The following HGSNAT variants were observed in gnomAD, a reference collection of about 807,000 sequenced individuals.
The protein encoded by HGSNAT is heparan-alpha-glucosaminide N-acetyltransferase.
HGSNAT carries 59 observed loss-of-function variants against 85.2 expected under a neutral mutation model. That is an observed-to-expected ratio of 0.69 (90% CI 0.56 to 0.86). HGSNAT has a LOEUF of 0.86. Among genes scored for constraint, HGSNAT ranks in the 40% least tolerant of loss-of-function variants. The pLI is 0.00. For synonymous variants in HGSNAT, 321 were observed against 304.5 expected (o/e 1.05, Z -0.56); for missense variants, 756 against 777.1 (o/e 0.97, Z 0.32).
intron 1 of HGSNAT, among the ~76,000 whole-genome samples, chr8:43,140,992 G>T (rs1265642961): frequency 6.6e-6 from 1 of 152,206 alleles, no homozygotes; most frequent in Non-Finnish European, 1.5e-5. Context: ...GGATCGGGGG[G>T]GCTCGGACTC....
At chr8:43,182,497 G>GC (rs1804164543) in intron 11 of HGSNAT, 1 of 526,346 alleles carries the variant, frequency 1.9e-6, no homozygotes, top group Admixed American at 2.7e-5. Flanking sequence ...AGGCTGGGGT[G>GC]CAGTGGTGTG....
At chr8:43,168,310 G>C (rs900816382) in intron 5 of HGSNAT, among the ~76,000 whole-genome samples, 1 of 150,468 alleles carries the variant, frequency 6.6e-6, no homozygotes, top group African/African-American at 2.5e-5. Context: ...ACTTTTCCCA[G>C]TGTGCACATA....
intron 14 of HGSNAT, 194 bp downstream of exon 14, chr8:43,194,037 T>C (rs978469915): frequency 3.0e-6 from 4 of 1,319,678 alleles, no homozygotes; most frequent in African/African-American, 3.2e-5. Context: ...TAATTAGATA[T>C]AATTCTTATA....
intron 2 of HGSNAT, among the ~76,000 whole-genome samples, chr8:43,148,295 C>CTA (rs1317521983): frequency 6.6e-6 from 1 of 151,684 alleles, no homozygotes; most frequent in East Asian, 1.9e-4. Flanking sequence ...TTCGTTATAC[C>CTA]TACCATCAGA....
At chr8:43,173,974 G>T in intron 9 of HGSNAT, 1 of 345,162 alleles carries the variant, frequency 2.9e-6, no homozygotes, top group Admixed American at 4.2e-5. Context: ...CTAGCACTTT[G>T]GGAGGCTGAG....
chr8:43,197,243 C>A (rs927841152), intron 15 of HGSNAT: 4 of 582,630 alleles, frequency 6.9e-6, no homozygotes, highest in Non-Finnish European at 1.2e-5. Context: ...CAGTGTTTGC[C>A]ATCAGATAGC....
chr8:43,148,705 G>A (rs1184838066), intron 2 of HGSNAT, among the ~76,000 whole-genome samples: 7 of 150,962 alleles, frequency 4.6e-5, no homozygotes, highest in African/African-American at 1.7e-4. Flanking sequence ...CTGGAGAATC[G>A]CTTGAACCTG....
intron 9 of HGSNAT, among the ~76,000 whole-genome samples, chr8:43,175,907 T>C (rs1277325181): frequency 6.6e-6 from 1 of 152,196 alleles, no homozygotes; most frequent in Non-Finnish European, 1.5e-5. Flanking sequence ...TTTTTTTTCC[T>C]ATAGAGTTGT....
rs1286108057 is a variant in HGSNAT, at chr8:43,196,601, T to C, written c.1465-347T>C. On this transcript the variant is annotated intron_variant, in intron 14 of 17. Coordinates refer to ENST00000379644, the MANE Select transcript of HGSNAT (RefSeq NM_152419.3). ...TCTGCATTCCCTGCAGCAGTGGAGA[T>C]GTGGTGTGGCTACCATGCTTCCCCC... is the stretch of plus-strand genomic sequence containing the variant. 4.6e-6 allele frequency: 5 copies of C among 1,077,798 alleles called. No homozygotes were observed. The Admixed American group carries it at 9.1e-5, about 20-fold the overall frequency. The allele number at this position is 1,077,798 out of a possible 1,614,324, so 66.8% of individuals were successfully genotyped here.
intron 2 of HGSNAT, among the ~76,000 whole-genome samples, chr8:43,157,755 G>A (rs1334326373): frequency 6.6e-6 from 1 of 152,086 alleles, no homozygotes; most frequent in Non-Finnish European, 1.5e-5. Context: ...TCCAACCTGG[G>A]TGACAGAGTG....
At chr8:43,142,896 A>T (rs1268565594) in intron 1 of HGSNAT, among the ~76,000 whole-genome samples, 1 of 152,246 alleles carries the variant, frequency 6.6e-6, no homozygotes, top group Non-Finnish European at 1.5e-5. Context: ...GGCTTAGAGA[A>T]ACATGAGTAC....
At chr8:43,192,014 C>T (rs1451958195) in intron 12 of HGSNAT, among the ~76,000 whole-genome samples, 4 of 152,058 alleles carry the variant, frequency 2.6e-5, no homozygotes, top group East Asian at 3.9e-4. Context: ...CTGCAACCTG[C>T]GCCTCCCAGG....
intron 4 of HGSNAT, 138 bp from the exon 5 acceptor site, chr8:43,161,300 G>A: frequency 1.6e-6 from 1 of 628,736 alleles, no homozygotes; most frequent in Non-Finnish European, 2.8e-6. Context: ...TCCCTTCAGG[G>A]TGAGCATAGG....
At chr8:43,163,484 G>A (rs1803332245) in intron 5 of HGSNAT, among the ~76,000 whole-genome samples, 1 of 148,794 alleles carries the variant, frequency 6.7e-6, no homozygotes, top group South Asian at 2.1e-4. Flanking sequence ...AAGTATTTTT[G>A]TTTTATTTTT....
At chr8:43,154,148 C>T (rs972229057) in intron 2 of HGSNAT, among the ~76,000 whole-genome samples, 2 of 152,044 alleles carry the variant, frequency 1.3e-5, no homozygotes, top group Non-Finnish European at 2.9e-5. Context: ...CTAGAAATTC[C>T]TTATTAGCCA....
chr8:43,158,856 A>G, intron 3 of HGSNAT, 67 bp from the exon 4 acceptor site: 1 of 1,546,172 alleles, frequency 6.5e-7, no homozygotes, highest in Non-Finnish European at 8.8e-7. Flanking sequence ...CCTCCATGAT[A>G]TTAGCAAAAT....
intron 1 of HGSNAT, 70 bp downstream of exon 1, chr8:43,140,684 C>T (rs1169128958): frequency 1.6e-5 from 12 of 763,568 alleles, no homozygotes; most frequent in Non-Finnish European, 2.1e-5. Flanking sequence ...GGCGCCGCCC[C>T]TATCTCCGTG....
chr8:43,160,590 C>G (rs1380221279), intron 4 of HGSNAT, among the ~76,000 whole-genome samples: 1 of 152,228 alleles, frequency 6.6e-6, no homozygotes, highest in African/African-American at 2.4e-5. Flanking sequence ...ATATCCTTCA[C>G]TTAGCTTCCC....
At chr8:43,172,979 TTG>T (rs1240453807) in intron 8 of HGSNAT, among the ~76,000 whole-genome samples, 1 of 152,138 alleles carries the variant, frequency 6.6e-6, no homozygotes, top group Non-Finnish European at 1.5e-5. Flanking sequence ...AAGGAAGAGT[TTG>T]TGAGTTTACT....
Sources: gnomAD v4.1 joint callset for allele counts (sites outside exome capture counted in the v4.1 genomes callset) on GRCh38, gnomAD v4.1.1 for gene constraint, MANE v1.5 for transcripts, NCBI Gene and HGNC (gene_info 2026-07-23, HGNC 2026-07-21) for gene names.